Variants in ATG16L2 observed in about 807,000 individuals in gnomAD.
ATG16L2 encodes the protein autophagy related 16 like 2.
A neutral mutation model predicts 84.7 loss-of-function variants in ATG16L2; 77 were observed. The ratio of observed to expected loss-of-function variants is 0.91; its 90% CI spans 0.76 to 1.10. The LOEUF (loss-of-function observed/expected upper bound fraction) is 1.10, where lower values mean the gene tolerates loss of function less well. Among genes scored for constraint, ATG16L2 ranks in the 50% least tolerant of loss-of-function variants. The probability of loss-of-function intolerance (pLI) is 0.00; values close to 1 mark genes in which losing one functional copy is unlikely to be tolerated. For synonymous variants in ATG16L2, 361 were observed against 342.8 expected (o/e 1.05, Z -0.59); for missense variants, 782 against 817.6 (o/e 0.96, Z 0.53).
intron 3 of ATG16L2, chr11:72,818,253 C>T (rs1346847474): frequency 1.2e-5 from 2 of 173,420 alleles, no homozygotes; most frequent in Non-Finnish European, 2.5e-5. Context: ...AGTGTGGACG[C>T]TCCACCTGAC....
At chr11:72,816,884 T>A in intron 2 of ATG16L2, 57 bp downstream of exon 2, 1 of 1,238,524 alleles carries the variant, frequency 8.1e-7, no homozygotes, top group Non-Finnish European at 1.1e-6. Context: ...GCCCTGCCCC[T>A]GCTGCCTGTG....
rs1471313076 is a variant in ATG16L2 at position 72,814,411 on chromosome 11, G to A, written c.-35G>A. ...GCCCCGGCCTGGCGCCGTCCTGGGC[G>A]GGAGGAACGCGCCGCTAGGCGGGAG... On this transcript the variant is annotated 5_prime_UTR_variant, in exon 1 of 18. Transcript: ENST00000321297. 7.4e-7 allele frequency: 1 copy of A among 1,360,154 alleles called. No homozygotes were observed. Among genetic ancestry groups the A allele is most frequent in the Admixed American group, 2.9e-5 (1 of 35,036 alleles). The allele number at this position is 1,360,154 out of a possible 1,614,324, so 84.3% of individuals were successfully genotyped here.
rs762421746 is a variant in ATG16L2 at position 72,828,476 on chromosome 11, C to T, written c.1590C>T (p.Asp530=). 8 of 1,614,222 alleles carry T rather than the reference C, an allele frequency of 5.0e-6. No individual in the cohort carries two copies. The East Asian group carries it at 1.8e-4, about 36-fold the overall frequency. The change falls in exon 15 of 18, where the codon GAC becomes GAT. Residue 530 remains aspartate (D), a synonymous_variant. Transcript: ENST00000321297. ...CSRDNTLKVI[D]LRVSNIRQVF... is the part of the protein sequence containing the mutation. ...GAGACAACACACTCAAGGTCATCGA[C>T]CTGCGTGTCAGCAACATCCGCCAGG...
chr11:72,826,268 T>G (rs1453790151), intron 11 of ATG16L2, 25 bp downstream of exon 11: 3 of 1,610,984 alleles, frequency 1.9e-6, no homozygotes, highest in Admixed American at 1.7e-5. Flanking sequence ...CCCAGTGGCA[T>G]GGGATTGTGC....
chr11:72,828,120 C>G (rs1860471244), intron 14 of ATG16L2, among the ~76,000 whole-genome samples: 1 of 151,998 alleles, frequency 6.6e-6, no homozygotes, highest in African/African-American at 2.4e-5. Flanking sequence ...ATTTAGTGAC[C>G]CAAAGGTTTC....
downstream of ATG16L2, among the ~76,000 whole-genome samples, chr11:72,830,604 G>A (rs1211962071): frequency 6.6e-6 from 1 of 152,150 alleles, no homozygotes; most frequent in Non-Finnish European, 1.5e-5. Context: ...CGAAGGGCTG[G>A]GATTACAGGT....
intron 9 of ATG16L2, 43 bp downstream of exon 9, chr11:72,824,885 G>A (rs774883626): frequency 2.0e-6 from 3 of 1,511,974 alleles, no homozygotes; most frequent in African/African-American, 2.8e-5. Flanking sequence ...AGTGGTGAGA[G>A]AGTGCAGGCA....
chr11:72,824,572 G>A (rs1860220544), intron 8 of ATG16L2, 162 bp from the exon 9 acceptor site: 1 of 644,190 alleles, frequency 1.6e-6, no homozygotes, highest in Admixed American at 2.4e-5. Flanking sequence ...ACCAACCCCT[G>A]GGGTCGAGGC....
In ATG16L2 at chr11:72,825,287, C is replaced by T. The variant is rs769362674; in HGVS notation, c.997-15C>T. ...GCGGGGAGGGCCGGGGCACCAACCT[C>T]CCCTTTCCCCACAGGATGCCCACCT... On this transcript the variant is annotated splice_polypyrimidine_tract_variant and intron_variant, in intron 9 of 17. Coordinates refer to ENST00000321297, the MANE Select transcript of ATG16L2 (RefSeq NM_033388.2). 12 of 1,610,286 alleles carry T rather than the reference C, an allele frequency of 7.5e-6. No individual in the cohort carries two copies. The highest frequency in any genetic ancestry group is 1.6e-4 in the Middle Eastern group (1 of 6,078).
intron 5 of ATG16L2, among the ~76,000 whole-genome samples, chr11:72,836,509 C>T (rs1429525299): frequency 2.0e-5 from 3 of 152,022 alleles, no homozygotes; most frequent in African/African-American, 4.8e-5. Flanking sequence ...CTTTTTTTTC[C>T]CATGGGAAAA....
chr11:72,830,323 C>T (rs1345572613), downstream of ATG16L2, among the ~76,000 whole-genome samples: 3 of 152,144 alleles, frequency 2.0e-5, no homozygotes, highest in African/African-American at 4.8e-5. Flanking sequence ...TGCCTCCTGG[C>T]CATCATCTCC....
chr11:72,825,224 A>C, intron 9 of ATG16L2, 78 bp from the exon 10 acceptor site: 1 of 1,090,798 alleles, frequency 9.2e-7, no homozygotes, highest in Non-Finnish European at 1.4e-6. Context: ...CTGCACAGGC[A>C]CCGGTAAGAG....
rs1291345575 is a variant in ATG16L2, at chr11:72,826,168, C to G, written c.1103-5C>G. On this transcript the variant is annotated splice_region_variant and splice_polypyrimidine_tract_variant and intron_variant, in intron 10 of 17. Transcript: ENST00000321297. ...TTCAACTGTCCCTTCCCCTGGTCCT[C>G]CCAGGTCGCCTGGAGGCCAACCAGA... 3.7e-6 allele frequency: 6 copies of G among 1,612,286 alleles called. No individual in the cohort carries two copies. Among genetic ancestry groups the G allele is most frequent in the Non-Finnish European group, 5.1e-6 (6 of 1,178,802 alleles).
At chr11:72,836,924 C>A (rs1860746561) in intron 5 of ATG16L2, 1 of 152,424 alleles carries the variant, frequency 6.6e-6, no homozygotes, top group Non-Finnish European at 1.5e-5. Context: ...CATGTTTTCA[C>A]AACTTTGTTT....
intron 8 of ATG16L2, 135 bp from the exon 9 acceptor site, chr11:72,824,599 C>T (rs1860224185): frequency 4.2e-6 from 3 of 706,380 alleles, no homozygotes; most frequent in East Asian, 5.5e-5. Context: ...GGGGAATGCT[C>T]TCGCTGCTCC....
intron 4 of ATG16L2, 61 bp from the exon 5 acceptor site, chr11:72,821,983 T>G: frequency 6.9e-7 from 1 of 1,449,142 alleles, no homozygotes; most frequent in Non-Finnish European, 9.0e-7. Flanking sequence ...CCGAGGCATA[T>G]TCCCACTGGG....
chr11:72,823,211 T>G, intron 7 of ATG16L2: 1 of 434,018 alleles, frequency 2.3e-6, no homozygotes, highest in Non-Finnish European at 4.2e-6. Flanking sequence ...GCTCTGGGGG[T>G]GGGGAGTCAG....
exon 6 of ATG16L2, chr11:72,842,706 C>T: frequency 6.2e-7 from 1 of 1,614,008 alleles, no homozygotes; most frequent in Non-Finnish European, 8.5e-7. Context: ...TCCAATACGC[C>T]CATTGAATTC....
Position 72,829,355 on chromosome 11 carries a change from G to A in ATG16L2, c.1825G>A (p.Val609Met), listed in dbSNP as rs771800342. 8.1e-6 allele frequency: 13 copies of A among 1,612,724 alleles called. No homozygotes were observed. The highest frequency in any genetic ancestry group is 3.3e-5 in the South Asian group (3 of 91,038). The part of the protein sequence containing the change: ...WCYSGSHMVS[V>M]DQGRKVVLWQ ...CTACTCCGGGAGCCACATGGTGAGCGTGGACCAGGGCAGGAAGGTTGTGCT... is the reference window on the plus strand; with the variant it reads ...CTACTCCGGGAGCCACATGGTGAGCATGGACCAGGGCAGGAAGGTTGTGCT... The change falls in exon 18 of 18, where the codon GTG becomes ATG. Residue 609 changes from valine (V) to methionine (M), a missense_variant. Coordinates refer to ENST00000321297, the MANE Select transcript of ATG16L2 (RefSeq NM_033388.2).
Sources: allele counts gnomAD v4.1 joint callset (sites outside exome capture counted in the v4.1 genomes callset), GRCh38; gene constraint gnomAD v4.1.1; transcripts MANE v1.5; gene names NCBI Gene and HGNC (gene_info 2026-07-23, HGNC 2026-07-21).